The following PRELID2 variants were observed in gnomAD, a reference collection of about 807,000 sequenced individuals.
PRELID2 encodes PRELI domain-containing protein 2.
In PRELID2, 25 loss-of-function variants were observed where a neutral mutation model predicts 28.4. The ratio of observed to expected loss-of-function variants is 0.88; its 90% CI spans 0.64 to 1.23. PRELID2 has a LOEUF of 1.23. Ranked by LOEUF, PRELID2 falls within the 50% of genes most tolerant of loss-of-function variation. The pLI, the probability that PRELID2 is intolerant of heterozygous loss-of-function variation, is 0.00. For missense variants in PRELID2, 201 were observed against 214.4 expected (o/e 0.94, Z 0.39); for synonymous variants, 76 against 71.6 (o/e 1.06, Z -0.31).
chr5:145,342,901 G>T, the PRELID2 span, among the ~76,000 whole-genome samples: 2 of 52,274 alleles, frequency 3.8e-5, no homozygotes, highest in African/African-American at 1.2e-4. Context: ...GTCAAAAACA[G>T]TAAAAAAAAA....
At chr5:145,242,798 C>T in the PRELID2 span, among the ~76,000 whole-genome samples, 1 of 152,018 alleles carries the variant, frequency 6.6e-6, no homozygotes, top group Non-Finnish European at 1.5e-5. Flanking sequence ...TCATTCCCCA[C>T]CCTAAAAGCA....
intron 5 of PRELID2, among the ~76,000 whole-genome samples, chr5:145,793,952 T>C (rs776015249): frequency 5.3e-5 from 8 of 152,158 alleles, no homozygotes; most frequent in Non-Finnish European, 1.2e-4. Flanking sequence ...CATGTGGTCA[T>C]GGCAGAGAAT....
intron 4 of PRELID2, among the ~76,000 whole-genome samples, chr5:145,800,985 GGACA>G (rs1207703726): frequency 1.3e-5 from 2 of 152,104 alleles, no homozygotes; most frequent in East Asian, 3.9e-4. Flanking sequence ...ATGGATGGAT[GGACA>G]GACGGACGGA....
intron 5 of PRELID2, among the ~76,000 whole-genome samples, chr5:145,784,855 C>T (rs373305340): frequency 1.1e-3 from 170 of 150,046 alleles, no homozygotes; most frequent in African/African-American, 3.2e-3. Context: ...ATAAAAAGAT[C>T]TACGTCAAAA....
At chr5:145,292,158 CA>C in the PRELID2 span, among the ~76,000 whole-genome samples, 3 of 152,054 alleles carry the variant, frequency 2.0e-5, no homozygotes, top group African/African-American at 4.8e-5. Context: ...GATTCATAAT[CA>C]TTTTCTTATT....
At position 145,699,729 on chromosome 5, in the gene PRELID2, G is replaced by A. The variant is rs78786014; in HGVS notation, n.70+65202C>T. On this transcript the variant is annotated intron_variant and non_coding_transcript_variant, in intron 1 of 2. Transcript: ENST00000510259. ...TCAAAAGCTGTCATTTAAACTAAGC[G>A]TGGCCCCAGACTCTCCAGCTCTCCA... 4.7e-3 allele frequency among the ~76,000 whole-genome samples: 714 copies of A among 152,240 alleles called. 4 individuals are homozygous for A. The highest frequency in any genetic ancestry group is 0.016 in the African/African-American group (677 of 41,550).
the PRELID2 span, among the ~76,000 whole-genome samples, chr5:145,452,526 C>T: frequency 3.3e-5 from 5 of 152,274 alleles, no homozygotes; most frequent in African/African-American, 9.6e-5. Flanking sequence ...ATATTAGCTT[C>T]CCAGTTTTTA....
chr5:145,250,335 A>T, the PRELID2 span, among the ~76,000 whole-genome samples: 1 of 152,146 alleles, frequency 6.6e-6, no homozygotes, highest in Non-Finnish European at 1.5e-5. Context: ...TACATTAAAC[A>T]TATTTGTAAG....
the PRELID2 span, among the ~76,000 whole-genome samples, chr5:145,245,941 A>G: frequency 6.6e-6 from 1 of 151,914 alleles, no homozygotes; most frequent in Non-Finnish European, 1.5e-5. Flanking sequence ...TACTGCCTTC[A>G]GCTAATCTTC....
At chr5:145,370,511 T>C in the PRELID2 span, among the ~76,000 whole-genome samples, 1 of 152,172 alleles carries the variant, frequency 6.6e-6, no homozygotes, top group African/African-American at 2.4e-5. Flanking sequence ...ACCATGCCGT[T>C]TTGGTTACTG....
intron 1 of PRELID2, among the ~76,000 whole-genome samples, chr5:145,729,972 T>C (rs1484069560): frequency 6.6e-6 from 1 of 152,070 alleles, no homozygotes; most frequent in Non-Finnish European, 1.5e-5. Flanking sequence ...AAGCACAAGA[T>C]TTACAGTTGT....
chr5:145,669,629 G>C (rs557881544), intron 1 of PRELID2, among the ~76,000 whole-genome samples: 55 of 152,158 alleles, frequency 3.6e-4, no homozygotes, highest in African/African-American at 1.3e-3. Context: ...AAAATCCTCA[G>C]CAGATATCTA....
rs547110066 is a variant in PRELID2, at chr5:145,637,810, C to CTTT, written n.70+127118_70+127120dup. 1.1e-4 allele frequency among the ~76,000 whole-genome samples: 15 copies of CTTT among 130,728 alleles called. 1 individual carries two copies. The highest frequency in any genetic ancestry group is 3.2e-4 in the African/African-American group (11 of 34,220). The allele number at this position is 130,728 out of a possible 152,430, so 85.8% of individuals were successfully genotyped here. A position where few individuals can be genotyped will look rare whatever the true frequency, so the allele number is the denominator to read the frequency against. On this transcript the variant is annotated intron_variant and non_coding_transcript_variant, in intron 1 of 2. Transcript: ENST00000510259. Reference sequence around the variant, plus strand: ...ACAGTGATACAAACACAAAACCATTCTTTTTTTTTTTTTTTTTTGAGATGG... The same window carrying CTTT: ...ACAGTGATACAAACACAAAACCATTCTTTTTTTTTTTTTTTTTTTTTGAGATGG...
At chr5:145,652,789 C>A (rs1274477437) in intron 1 of PRELID2, among the ~76,000 whole-genome samples, 1 of 152,158 alleles carries the variant, frequency 6.6e-6, no homozygotes, top group Non-Finnish European at 1.5e-5. Context: ...CCAGCCACTG[C>A]AAAAACATGC....
chr5:145,696,652 C>T (rs111981903), intron 1 of PRELID2, among the ~76,000 whole-genome samples: 7,034 of 151,794 alleles, frequency 0.046, 579 homozygotes, highest in African/African-American at 0.16. Flanking sequence ...TTTGTAGAGA[C>T]GGAGTTGCAC....
At chr5:145,499,302 A>T (rs1030715873) in intron 1 of PRELID2, among the ~76,000 whole-genome samples, 2 of 152,192 alleles carry the variant, frequency 1.3e-5, no homozygotes, top group African/African-American at 2.4e-5. Flanking sequence ...CTGCATGTTT[A>T]TTTCTGCATA....
chr5:145,682,490 G>A (rs750885233), intron 1 of PRELID2, among the ~76,000 whole-genome samples: 46 of 152,248 alleles, frequency 3.0e-4, no homozygotes, highest in Non-Finnish European at 4.0e-4. Flanking sequence ...CATTATATCC[G>A]AAATAAGCTG....
intron 1 of PRELID2, among the ~76,000 whole-genome samples, chr5:145,577,542 A>G (rs1457556427): frequency 3.3e-5 from 5 of 152,094 alleles, no homozygotes; most frequent in Non-Finnish European, 7.4e-5. Flanking sequence ...AGTTTACTTG[A>G]AAATACAGTC....
the PRELID2 span, among the ~76,000 whole-genome samples, chr5:145,355,816 C>G: frequency 6.6e-6 from 1 of 152,148 alleles, no homozygotes; most frequent in Non-Finnish European, 1.5e-5. Flanking sequence ...ATAGTAACAT[C>G]TGTCCTTACA....
Sources: allele counts gnomAD v4.1 joint callset (sites outside exome capture counted in the v4.1 genomes callset), GRCh38; gene constraint gnomAD v4.1.1; transcripts MANE v1.5; gene names NCBI Gene and HGNC (gene_info 2026-07-23, HGNC 2026-07-21).